Variants in RIMBP2 observed in about 807,000 individuals in gnomAD.
The protein encoded by RIMBP2 is RIMS-binding protein 2.
A neutral mutation model predicts 118.6 loss-of-function variants in RIMBP2; 48 were observed. The observed-to-expected ratio is 0.40, with a 90% CI of 0.32 to 0.51. The LOEUF (loss-of-function observed/expected upper bound fraction) is 0.51. Ranked by LOEUF, RIMBP2 falls within the 20% of genes least tolerant of loss-of-function variation. The probability of loss-of-function intolerance (pLI) is 0.41; values close to 1 mark genes in which losing one functional copy is unlikely to be tolerated. For synonymous variants in RIMBP2, 762 were observed against 742.9 expected (o/e 1.03, Z -0.42); for missense variants, 1,551 against 1,768.3 (o/e 0.88, Z 2.20).
chr12:130,714,368 C>T (rs888493117), intron 1 of RIMBP2, among the ~76,000 whole-genome samples: 3 of 152,238 alleles, frequency 2.0e-5, no homozygotes, highest in African/African-American at 7.2e-5. Flanking sequence ...TCTCCACCAC[C>T]CACGCCCACC....
At chr12:130,541,904 CT>C (rs1019337992) in intron 2 of RIMBP2, among the ~76,000 whole-genome samples, 3 of 152,338 alleles carry the variant, frequency 2.0e-5, no homozygotes, top group African/African-American at 7.2e-5. Context: ...AGGTTCTCTT[CT>C]GAGCAAGCTA....
intron 1 of RIMBP2, chr12:130,633,835 C>T (rs1259594777): frequency 6.6e-6 from 1 of 152,234 alleles, no homozygotes; most frequent in East Asian, 1.9e-4. Flanking sequence ...TCTAGTGGAC[C>T]AGACAGACTG....
chr12:130,397,888 G>A (rs750559856), intron 22 of RIMBP2: 3 of 181,030 alleles, frequency 1.7e-5, no homozygotes, highest in African/African-American at 2.3e-5. Context: ...AAAGTTGGCC[G>A]AGTACCCATC....
At chr12:130,547,424 C>A (rs1368843972) in intron 2 of RIMBP2, among the ~76,000 whole-genome samples, 1 of 152,314 alleles carries the variant, frequency 6.6e-6, no homozygotes, top group South Asian at 2.1e-4. Flanking sequence ...CCGAAGGCAG[C>A]CTGTTTTCTC....
At chr12:130,677,023 T>G (rs2064524102) in intron 1 of RIMBP2, among the ~76,000 whole-genome samples, 12 of 152,126 alleles carry the variant, frequency 7.9e-5, no homozygotes, top group Admixed American at 7.2e-4. Context: ...CCTCCACAAA[T>G]GTGAGTTTCA....
chr12:130,405,677 G>A (rs542560197), intron 21 of RIMBP2, among the ~76,000 whole-genome samples: 5 of 151,994 alleles, frequency 3.3e-5, no homozygotes, highest in African/African-American at 1.2e-4. Context: ...AGCAAGGGGT[G>A]GGGGCGGGGT....
In RIMBP2 at chr12:130,397,288, T is replaced by TTGAG. The variant is rs1050602652; in HGVS notation, c.*69_*72dup. 4 of 397,802 alleles carry TTGAG rather than the reference T, an allele frequency of 1.0e-5. No homozygotes were observed. The highest frequency in any genetic ancestry group is 6.3e-4 in the Middle Eastern group (1 of 1,588). 24.6% of individuals were successfully genotyped at this position (397,802 alleles called of 1,614,324 possible). On this transcript the variant is annotated 3_prime_UTR_variant, in exon 23 of 23. Coordinates refer to ENST00000690449, the MANE Select transcript of RIMBP2 (RefSeq NM_001393629.1). ...AAGATTGGGTTTTTTTAGGAAGTAC[T>TTGAG]TGAGTCATGAAAGCCCTAGTTTGGA...
intron 2 of RIMBP2, among the ~76,000 whole-genome samples, chr12:130,608,307 C>G (rs1199819984): frequency 1.3e-5 from 2 of 152,246 alleles, no homozygotes; most frequent in East Asian, 1.9e-4. Context: ...GGAAGGCCAA[C>G]GACACCACCA....
In RIMBP2 at chr12:130,693,369, C is replaced by T. The variant is rs2065422861; in HGVS notation, c.-352+22853G>A. 2.0e-5 allele frequency among the ~76,000 whole-genome samples: 3 copies of T among 152,096 alleles called. No homozygotes were observed. The South Asian group carries it at 6.2e-4, about 31-fold the overall frequency. On this transcript the variant is annotated intron_variant, in intron 1 of 22. Coordinates refer to ENST00000690449, the MANE Select transcript of RIMBP2 (RefSeq NM_001393629.1). ...GGGTATACACACACTTGCAGACAAT[C>T]CCATGCTATCCTAACGATGCCTGTG...
chr12:130,493,974 A>C (rs1389518613), intron 4 of RIMBP2, among the ~76,000 whole-genome samples: 1 of 152,192 alleles, frequency 6.6e-6, no homozygotes, highest in African/African-American at 2.4e-5. Context: ...CTGGAGACAC[A>C]GTGGACACAA....
At chr12:130,510,241 T>C (rs1170538447) in intron 3 of RIMBP2, among the ~76,000 whole-genome samples, 1 of 152,174 alleles carries the variant, frequency 6.6e-6, no homozygotes, top group East Asian at 1.9e-4. Context: ...TGTCCCACAG[T>C]AGAGCTAGAA....
intron 12 of RIMBP2, 31 bp downstream of exon 12, chr12:130,438,334 A>ATGG: frequency 1.4e-5 from 19 of 1,344,490 alleles, no homozygotes; most frequent in Non-Finnish European, 1.9e-5. Context: ...GGGCCTAACA[A>ATGG]ACCCTCCCCA....
intron 2 of RIMBP2, among the ~76,000 whole-genome samples, chr12:130,591,184 C>G (rs939305593): frequency 1.3e-5 from 2 of 152,224 alleles, no homozygotes; most frequent in African/African-American, 4.8e-5. Context: ...ACACCACAAT[C>G]CACAATGGAC....
intron 2 of RIMBP2, among the ~76,000 whole-genome samples, chr12:130,565,769 C>T (rs528470919): frequency 2.0e-5 from 3 of 152,134 alleles, no homozygotes; most frequent in African/African-American, 7.2e-5. Context: ...CACAGCAGCA[C>T]AAAGGGTGAT....
At chr12:130,602,649 A>G (rs2059940281) in intron 2 of RIMBP2, among the ~76,000 whole-genome samples, 1 of 152,200 alleles carries the variant, frequency 6.6e-6, no homozygotes, top group South Asian at 2.1e-4. Flanking sequence ...TACTTTGATC[A>G]TTGTCTGATG....
intron 2 of RIMBP2, among the ~76,000 whole-genome samples, chr12:130,612,982 G>A (rs1005963213): frequency 5.0e-5 from 7 of 141,192 alleles, no homozygotes; most frequent in African/African-American, 7.9e-5. Flanking sequence ...CCCCGTCATC[G>A]CCACCTGCAC....
chr12:130,563,066 T>C (rs531830455), intron 2 of RIMBP2, among the ~76,000 whole-genome samples: 1 of 152,336 alleles, frequency 6.6e-6, no homozygotes, highest in South Asian at 2.1e-4. Flanking sequence ...AAAAACGCAT[T>C]CACGCTGCAT....
chr12:130,521,170 T>C (rs2052067504), intron 2 of RIMBP2, among the ~76,000 whole-genome samples: 1 of 152,234 alleles, frequency 6.6e-6, no homozygotes, highest in Non-Finnish European at 1.5e-5. Flanking sequence ...ACTGACCCTG[T>C]GTGCTACCAG....
intron 1 of RIMBP2, among the ~76,000 whole-genome samples, chr12:130,636,251 A>G (rs182034822): frequency 6.6e-6 from 1 of 151,904 alleles, no homozygotes; most frequent in Non-Finnish European, 1.5e-5. Flanking sequence ...TCCCTCTAAG[A>G]CCTTTCATCT....
Sources: gnomAD v4.1 joint callset for allele counts (sites outside exome capture counted in the v4.1 genomes callset) on GRCh38, gnomAD v4.1.1 for gene constraint, MANE v1.5 for transcripts, NCBI Gene and HGNC (gene_info 2026-07-23, HGNC 2026-07-21) for gene names.